CHD1L: variants seen among roughly 807,000 people sequenced by gnomAD.
CHD1L encodes the protein ATP-dependent chromatin remodeler CHD1L.
A neutral mutation model predicts 115.9 loss-of-function variants in CHD1L; 118 were observed. The ratio of observed to expected loss-of-function variants is 1.02; its 90% CI spans 0.88 to 1.19. The LOEUF (loss-of-function observed/expected upper bound fraction) is 1.19, where lower values mean the gene tolerates loss of function less well. Among genes scored for constraint, CHD1L ranks in the 50% most tolerant of loss-of-function variants. The pLI is 0.00. For synonymous variants in CHD1L, 411 were observed against 387.1 expected (o/e 1.06, Z -0.72); for missense variants, 1,179 against 1,065.3 (o/e 1.11, Z -1.49).
At chr1:147,261,037 C>G (rs1446116515) in intron 6 of CHD1L, 1 of 152,146 alleles carries the variant, frequency 6.6e-6, no homozygotes, top group Non-Finnish European at 1.5e-5. Context: ...GATATGAATT[C>G]TATTTTTACT....
chr1:147,285,345 G>A lies in CHD1L; in HGVS notation c.1876G>A (p.Glu626Lys). The change falls in exon 17 of 23, where the codon GAG becomes AAG. Residue 626 changes from glutamate (E) to lysine (K), a missense_variant. Coordinates refer to ENST00000369258, the MANE Select transcript of CHD1L (RefSeq NM_004284.6). Reference protein sequence around the residue: ...KGSVLIPGLVEGSTKRKRVLS... With the variant: ...KGSVLIPGLVKGSTKRKRVLS... Reference sequence around the variant, plus strand: ...CTAGGTTCTCATCCCAGGCCTTGTGGAGGGATCTACCAAAAGGAAGCGGGT... The same window carrying A: ...CTAGGTTCTCATCCCAGGCCTTGTGAAGGGATCTACCAAAAGGAAGCGGGT... 1 of 1,613,646 alleles carries A rather than the reference G, an allele frequency of 6.2e-7. No homozygotes were observed. The highest frequency in any genetic ancestry group is 8.5e-7 in the Non-Finnish European group (1 of 1,179,826).
chr1:147,294,431 T>G lies in CHD1L; in HGVS notation c.2529T>G (p.Ile843Met). ...TAGCAAGTGTTCATCTTCCACGTAT[T>G]GGACATGCCACGAAAGGTTTTAACT... Reference protein sequence around the residue: ...KKKASVHLPRIGHATKGFNWY... With the variant: ...KKKASVHLPRMGHATKGFNWY... The change falls in exon 22 of 23, where the codon ATT becomes ATG. Residue 843 changes from isoleucine to methionine, a missense_variant. Transcript: ENST00000369258. 6.2e-7 allele frequency: 1 copy of G among 1,612,472 alleles called. No homozygotes were observed. The highest frequency in any genetic ancestry group is 8.5e-7 in the Non-Finnish European group (1 of 1,179,370).
intron 13 of CHD1L, 43 bp from the exon 14 acceptor site, chr1:147,276,061 G>A: frequency 6.3e-7 from 1 of 1,592,484 alleles, no homozygotes; most frequent in Non-Finnish European, 8.6e-7. Context: ...GCCCAGCTTT[G>A]CACACCCTTA....
chr1:147,291,439 G>T, intron 19 of CHD1L, 43 bp from the exon 20 acceptor site: 3 of 1,502,526 alleles, frequency 2.0e-6, no homozygotes, highest in South Asian at 1.1e-5. Context: ...ATTCATTAGT[G>T]AACTTGGTGT....
intron 6 of CHD1L, among the ~76,000 whole-genome samples, chr1:147,261,988 G>A (rs965763436): frequency 3.3e-5 from 5 of 152,082 alleles, no homozygotes; most frequent in Non-Finnish European, 5.9e-5. Flanking sequence ...GAGGTCAGGA[G>A]ATCGAGACCA....
chr1:147,291,820 ATGCACAACCCTGG>A, intron 20 of CHD1L, among the ~76,000 whole-genome samples: 1 of 152,278 alleles, frequency 6.6e-6, no homozygotes, highest in Non-Finnish European at 1.5e-5. Flanking sequence ...CTTGCTGTGC[ATGCACAACCCTGG>A]TGTCTGTGTG....
At chr1:147,252,370 T>G (rs1409703047) in intron 1 of CHD1L, among the ~76,000 whole-genome samples, 1 of 152,194 alleles carries the variant, frequency 6.6e-6, no homozygotes, top group African/African-American at 2.4e-5. Context: ...GACTTTCTCA[T>G]TTATCAAGTG....
At chr1:147,191,785 T>C in the CHD1L span, among the ~76,000 whole-genome samples, 80 of 152,178 alleles carry the variant, frequency 5.3e-4, no homozygotes, top group African/African-American at 1.8e-3. Context: ...CCCCATTTCT[T>C]GTTTTTGTCA....
At position 147,292,120 on chromosome 1, in the gene CHD1L, C is replaced by T. The variant is rs952864204; in HGVS notation, c.2391+568C>T. Among the ~76,000 whole-genome samples, 5 of 152,084 alleles carry T rather than the reference C, an allele frequency of 3.3e-5. No homozygotes were observed. The South Asian group carries it at 6.2e-4, about 19-fold the overall frequency. ...CAGATAGCAGATCCCATCTTAAGTA[C>T]GAGGATTTCTATTTGTCTTTTTATC... On this transcript the variant is annotated intron_variant, in intron 20 of 22. Coordinates refer to ENST00000369258, the MANE Select transcript of CHD1L (RefSeq NM_004284.6).
chr1:147,179,458 G>T, the CHD1L span: 2 of 1,586,512 alleles, frequency 1.3e-6, no homozygotes. Flanking sequence ...TGAAGTCAGA[G>T]TTTTCCTACC....
intron 16 of CHD1L, 120 bp from the exon 17 acceptor site, chr1:147,285,204 T>G: frequency 5.5e-5 from 61 of 1,113,898 alleles, no homozygotes; most frequent in Non-Finnish European, 7.5e-5. Context: ...GCAGGGTGTG[T>G]GGAGATGCAG....
intron 19 of CHD1L, among the ~76,000 whole-genome samples, chr1:147,288,343 A>AAG (rs1559893179): frequency 0.049 from 2,537 of 52,090 alleles, 59 homozygotes; most frequent in African/African-American, 0.15. Context: ...AAAAAAAAAA[A>AAG]AAAGAAAAAG....
At chr1:147,292,267 A>G (rs952729745) in intron 20 of CHD1L, among the ~76,000 whole-genome samples, 5 of 152,212 alleles carry the variant, frequency 3.3e-5, no homozygotes, top group Non-Finnish European at 7.3e-5. Flanking sequence ...ATTTCTATGA[A>G]AGATTGTGTT....
chr1:147,215,682 G>A, the CHD1L span: 4 of 1,127,344 alleles, frequency 3.5e-6, no homozygotes, highest in Admixed American at 4.4e-5. Context: ...GTAAACATTG[G>A]TAACTGAAAC....
At chr1:147,201,224 A>G in the CHD1L span, 1 of 1,614,194 alleles carries the variant, frequency 6.2e-7, no homozygotes, top group Non-Finnish European at 8.5e-7. Flanking sequence ...GGCTGAATCA[A>G]GCCTATGATT....
At chr1:147,191,860 A>G in the CHD1L span, among the ~76,000 whole-genome samples, 1 of 152,006 alleles carries the variant, frequency 6.6e-6, no homozygotes, top group Non-Finnish European at 1.5e-5. Flanking sequence ...GTCCTGTTCC[A>G]TTGATCTATA....
At chr1:147,235,350 C>T in the CHD1L span, among the ~76,000 whole-genome samples, 1 of 152,132 alleles carries the variant, frequency 6.6e-6, no homozygotes, top group South Asian at 2.1e-4. Flanking sequence ...ATACCTTGGA[C>T]ATTCAAATTT....
chr1:147,271,954 T>A (rs1195950356), intron 11 of CHD1L, among the ~76,000 whole-genome samples: 1 of 152,198 alleles, frequency 6.6e-6, no homozygotes, highest in Non-Finnish European at 1.5e-5. Context: ...CTGCATGTAT[T>A]TAAAAAATCC....
chr1:147,236,923 G>C, the CHD1L span, among the ~76,000 whole-genome samples: 1 of 152,188 alleles, frequency 6.6e-6, no homozygotes, highest in African/African-American at 2.4e-5. Context: ...CCAGCTTGAG[G>C]GTAGGTCTTC....
Sources: gnomAD v4.1 joint callset for allele counts (sites outside exome capture counted in the v4.1 genomes callset) on GRCh38, gnomAD v4.1.1 for gene constraint, MANE v1.5 for transcripts, NCBI Gene and HGNC (gene_info 2026-07-23, HGNC 2026-07-21) for gene names.